The following TRAK1 variants were observed in gnomAD, a reference collection of about 807,000 sequenced individuals.
The protein encoded by TRAK1 is trafficking kinesin protein 1.
In TRAK1, 33 loss-of-function variants were observed where a neutral mutation model predicts 92.1. That is an observed-to-expected ratio of 0.36 (90% confidence interval 0.27 to 0.48). TRAK1 has a LOEUF of 0.48. TRAK1 is among the 20% of genes least tolerant of loss of function. TRAK1 has a pLI of 0.99. For missense variants in TRAK1, 1,123 were observed against 1,257.9 expected (o/e 0.89, Z 1.62); for synonymous variants, 521 against 517.3 (o/e 1.01, Z -0.10).
chr3:42,215,270 C>A (rs1709542525), intron 14 of TRAK1, among the ~76,000 whole-genome samples: 1 of 152,140 alleles, frequency 6.6e-6, no homozygotes, highest in African/African-American at 2.4e-5. Flanking sequence ...GGAAAGGGAA[C>A]TGTTTCTCAT....
chr3:42,016,698 A>G (rs1393839014), intron 1 of TRAK1, among the ~76,000 whole-genome samples: 1 of 152,202 alleles, frequency 6.6e-6, no homozygotes, highest in African/African-American at 2.4e-5. Context: ...CTGTAGCACC[A>G]TATAGCTCAT....
In TRAK1 at chr3:42,224,444, T is replaced by C. The variant is rs1489840712; in HGVS notation, c.*707T>C. ...CCGAAAGAGAATGTATTTACACTCA[T>C]GCTGCGTTGTTCAGCAGCCCCTCTG... is the stretch of plus-strand genomic sequence containing the variant. On this transcript the variant is annotated 3_prime_UTR_variant, in exon 16 of 16. Transcript: ENST00000327628. 2.8e-5 allele frequency: 6 copies of C among 215,168 alleles called. No individual in the cohort carries two copies. Among genetic ancestry groups the C allele is most frequent in the Non-Finnish European group, 4.6e-5 (5 of 108,662 alleles). 13.3% of individuals were successfully genotyped at this position (215,168 alleles called of 1,614,324 possible).
At chr3:42,113,477 G>T (rs889417506) in intron 1 of TRAK1, among the ~76,000 whole-genome samples, 1 of 148,636 alleles carries the variant, frequency 6.7e-6, no homozygotes, top group Non-Finnish European at 1.5e-5. Context: ...AGGCTGGAGC[G>T]CAGTGGCATG....
chr3:42,139,514 G>T (rs1376753157), intron 2 of TRAK1, among the ~76,000 whole-genome samples: 1 of 152,140 alleles, frequency 6.6e-6, no homozygotes, highest in African/African-American at 2.4e-5. Flanking sequence ...ATACCAGGGT[G>T]CACGACAGCA....
intron 2 of TRAK1, among the ~76,000 whole-genome samples, chr3:42,158,676 G>A (rs1339095582): frequency 6.7e-6 from 1 of 149,708 alleles, no homozygotes; most frequent in Non-Finnish European, 1.5e-5. Context: ...GGGCGTGGTG[G>A]TTCACGCCTG....
At chr3:42,051,717 T>C (rs1159471869) in intron 1 of TRAK1, 2 of 152,236 alleles carry the variant, frequency 1.3e-5, no homozygotes, top group East Asian at 1.9e-4. Context: ...TCAGAGGAGA[T>C]GGCTAGCCCT....
In TRAK1 at chr3:42,184,666, TC is replaced by T; in HGVS notation, c.364-16del. 6.2e-7 allele frequency: 1 copy of T among 1,611,236 alleles called. No individual in the cohort carries two copies. Among genetic ancestry groups the T allele is most frequent in the Non-Finnish European group, 8.5e-7 (1 of 1,177,892 alleles). On this transcript the variant is annotated intron_variant, in intron 3 of 15. Coordinates refer to ENST00000327628, the MANE Select transcript of TRAK1 (RefSeq NM_001042646.3). ...ACACAGGTCTTTTGAATCTCTGTTC[TC>T]CCTCTTTCCTTTTGTAGAAAGAGCG...
intron 2 of TRAK1, among the ~76,000 whole-genome samples, chr3:42,136,060 C>T (rs1697917210): frequency 6.6e-6 from 1 of 152,140 alleles, no homozygotes; most frequent in African/African-American, 2.4e-5. Context: ...TAAGTTTGTA[C>T]CTCAGTCCTG....
intron 2 of TRAK1, among the ~76,000 whole-genome samples, chr3:42,162,770 G>C (rs11918253): frequency 4.0e-4 from 61 of 152,292 alleles, no homozygotes; most frequent in African/African-American, 1.3e-3. Context: ...GACAAACTCT[G>C]GTTATACAGG....
intron 14 of TRAK1, among the ~76,000 whole-genome samples, chr3:42,213,444 C>G (rs530933250): frequency 6.6e-6 from 1 of 152,266 alleles, no homozygotes; most frequent in Non-Finnish European, 1.5e-5. Flanking sequence ...TCTCCAGCAA[C>G]TGGGCCACCA....
Position 42,209,928 on chromosome 3 carries a change from C to A in TRAK1, c.1906C>A (p.His636Asn). Residue 636 changes from histidine to asparagine, a missense_variant, in exon 14 of 16, where the codon CAC becomes AAC. Coordinates refer to ENST00000327628, the MANE Select transcript of TRAK1 (RefSeq NM_001042646.3). ...CTTTGAAGAAGATGACACAGGTGAC[C>A]ACATTTCTCTCCCACGCCTAGCTAC... ...NDFEEDDTGD[H>N]ISLPRLATST... The A allele has an allele frequency of 6.2e-7, 1 of 1,614,176 alleles. No homozygotes were observed. The highest frequency in any genetic ancestry group is 8.5e-7 in the Non-Finnish European group (1 of 1,180,042).
At chr3:42,198,516 C>T (rs565067266) in intron 10 of TRAK1, among the ~76,000 whole-genome samples, 1 of 152,250 alleles carries the variant, frequency 6.6e-6, no homozygotes, top group East Asian at 1.9e-4. Context: ...AGGAACTTCC[C>T]TTGCAGGAGG....
In TRAK1 at chr3:42,193,831, T is replaced by C; in HGVS notation, c.908T>C (p.Val303Ala). The C allele has an allele frequency of 6.2e-7, 1 of 1,614,126 alleles. No homozygotes were observed. Among genetic ancestry groups the C allele is most frequent in the Non-Finnish European group, 8.5e-7 (1 of 1,180,028 alleles). The stretch of plus-strand genomic sequence containing the variant: ...ATCTTTGCCATGCTTTAGTGCGCAG[T>C]GGAAAATGAAGAACTTGTCCAGCAT... ...DLQKKAKACAVENEELVQHLG... is the reference protein window; with the variant it reads ...DLQKKAKACAAENEELVQHLG... The change falls in exon 9 of 16, where the codon GTG (valine) becomes GCG (alanine). Residue 303 changes from valine (V) to alanine (A), a missense_variant. Val to Ala is a moderately conservative substitution (Grantham distance 64, BLOSUM62 0). This residue lies in a region of TRAK1 where 686 missense variants were observed against 747.6 expected (regional missense o/e 0.92). Transcript: ENST00000327628.
intron 1 of TRAK1, among the ~76,000 whole-genome samples, chr3:42,109,059 G>T (rs13076679): frequency 6.6e-6 from 1 of 152,152 alleles, no homozygotes; most frequent in Non-Finnish European, 1.5e-5. Flanking sequence ...TTCAGGCTCT[G>T]TTAGAAAACC....
chr3:42,080,399 T>C (rs1337317229), intron 1 of TRAK1, among the ~76,000 whole-genome samples: 1 of 152,144 alleles, frequency 6.6e-6, no homozygotes, highest in East Asian at 1.9e-4. Context: ...GCTGAAAAAT[T>C]GACCTGGTTG....
At chr3:42,210,191 C>T (rs1392044333) in intron 14 of TRAK1, 4 of 1,568,906 alleles carry the variant, frequency 2.5e-6, no homozygotes, top group Non-Finnish European at 2.6e-6. Context: ...GGGCCATTCT[C>T]ACCTCTGTTC....
chr3:42,205,868 G>A (rs1341722885), intron 13 of TRAK1, among the ~76,000 whole-genome samples: 1 of 152,250 alleles, frequency 6.6e-6, no homozygotes, highest in African/African-American at 2.4e-5. Flanking sequence ...TTTCCCCACT[G>A]TCCGTGCCCT....
chr3:42,065,876 C>T lies in TRAK1; in HGVS notation c.-518-21228C>T, dbSNP rs183840052. Reference sequence around the variant, plus strand: ...AACTCCTGGGCTCAAGTGATCCACTCGCCTCAACCTCCCAAAGTGCTGGGA... The same window carrying T: ...AACTCCTGGGCTCAAGTGATCCACTTGCCTCAACCTCCCAAAGTGCTGGGA... On this transcript the variant is annotated intron_variant, in intron 1 of 16. Coordinates refer to the TRAK1 transcript ENST00000487159. Among the ~76,000 whole-genome samples, 9 of 152,266 alleles carry T rather than the reference C, an allele frequency of 5.9e-5. No homozygotes were observed. The East Asian group carries it at 1.6e-3, about 26-fold the overall frequency.
chr3:42,049,800 C>G (rs1702909379), intron 1 of TRAK1, among the ~76,000 whole-genome samples: 1 of 152,194 alleles, frequency 6.6e-6, no homozygotes, highest in African/African-American at 2.4e-5. Context: ...GTCTTATTTT[C>G]TGGATACAGT....
Sources: gnomAD v4.1 joint callset for allele counts (sites outside exome capture counted in the v4.1 genomes callset) on GRCh38, gnomAD v4.1.1 for gene constraint, gnomAD v4.1.1 regional missense constraint, MANE v1.5 for transcripts, NCBI Gene and HGNC (gene_info 2026-07-23, HGNC 2026-07-21) for gene names.